CDH2: variants seen among roughly 807,000 people sequenced by gnomAD.
CDH2 encodes the protein cadherin-2.
Under a neutral mutation model 92.0 loss-of-function variants are expected in CDH2, and 17 were observed. That is an observed-to-expected ratio of 0.18 (90% CI 0.13 to 0.28). The LOEUF (loss-of-function observed/expected upper bound fraction) is 0.28. Among genes scored for constraint, CDH2 ranks in the 10% least tolerant of loss-of-function variants. The pLI, the probability that CDH2 is intolerant of heterozygous loss-of-function variation, is 1.00. For missense variants in CDH2, 862 were observed against 1,133.1 expected (o/e 0.76, Z 3.44); for synonymous variants, 419 against 415.9 (o/e 1.01, Z -0.09).
chr18:27,995,058 A>G (rs917095748), intron 7 of CDH2, among the ~76,000 whole-genome samples: 1 of 152,136 alleles, frequency 6.6e-6, no homozygotes. Context: ...CACGCCTGTA[A>G]TCTCAGCACT....
chr18:27,934,621 A>G (rs944594721), intron 6 of CDH2, among the ~76,000 whole-genome samples: 2 of 152,202 alleles, frequency 1.3e-5, no homozygotes, highest in African/African-American at 2.4e-5. Flanking sequence ...GCATTGAAAC[A>G]TCCTATTAAT....
At chr18:28,117,559 A>G (rs761650635) in intron 2 of CDH2, among the ~76,000 whole-genome samples, 5 of 152,142 alleles carry the variant, frequency 3.3e-5, no homozygotes, top group South Asian at 2.1e-4. Context: ...ATTCACAAAG[A>G]GTTTAAACTA....
At chr18:28,147,915 C>T in intron 1 of CDH2, 131 bp from the exon 2 acceptor site, 1 of 602,480 alleles carries the variant, frequency 1.7e-6, no homozygotes, top group Non-Finnish European at 2.9e-6. Context: ...TTTCCAAGTG[C>T]TTACAATTAG....
At chr18:28,090,779 A>G (rs2015022441) in intron 2 of CDH2, among the ~76,000 whole-genome samples, 1 of 152,212 alleles carries the variant, frequency 6.6e-6, no homozygotes, top group Admixed American at 6.5e-5. Context: ...TGTTGTATCC[A>G]TCATAGCCTA....
At chr18:28,136,464 T>C (rs1467419997) in intron 2 of CDH2, among the ~76,000 whole-genome samples, 1 of 152,100 alleles carries the variant, frequency 6.6e-6, no homozygotes, top group Non-Finnish European at 1.5e-5. Flanking sequence ...TATCAGAGTT[T>C]ACTCATCTCC....
At chr18:28,068,239 A>G (rs561119424) in intron 2 of CDH2, among the ~76,000 whole-genome samples, 1 of 152,342 alleles carries the variant, frequency 6.6e-6, no homozygotes, top group African/African-American at 2.4e-5. Flanking sequence ...CATTTCAAAC[A>G]GCTTTTCAGA....
At chr18:27,989,999 G>A in intron 10 of CDH2, 98 bp downstream of exon 10, 1 of 1,040,968 alleles carries the variant, frequency 9.6e-7, no homozygotes, top group Non-Finnish European at 1.4e-6. Flanking sequence ...AGTTTTGATT[G>A]CAATGAAAAT....
chr18:27,992,587 A>G, intron 9 of CDH2, 68 bp downstream of exon 9: 1 of 1,275,536 alleles, frequency 7.8e-7, no homozygotes, highest in Non-Finnish European at 1.1e-6. Context: ...CAAAACAATG[A>G]GTGGGGGACA....
intron 15 of CDH2, among the ~76,000 whole-genome samples, chr18:27,957,635 T>C (rs1025212188): frequency 1.3e-5 from 2 of 152,156 alleles, no homozygotes; most frequent in African/African-American, 4.8e-5. Context: ...CACATCTCAC[T>C]GTCCAACACA....
chr18:27,947,210 G>A (rs570108937), downstream of CDH2, among the ~76,000 whole-genome samples: 1 of 151,734 alleles, frequency 6.6e-6, no homozygotes, highest in South Asian at 2.1e-4. Flanking sequence ...GACAGTAACA[G>A]GAGAAATAAA....
chr18:28,160,677 C>T (rs748538892), intron 1 of CDH2, among the ~76,000 whole-genome samples: 10 of 152,174 alleles, frequency 6.6e-5, no homozygotes, highest in Admixed American at 3.3e-4. Context: ...CTGAAAACAC[C>T]TGTTCCACCA....
intron 2 of CDH2, among the ~76,000 whole-genome samples, chr18:28,023,113 A>G (rs2013454804): frequency 6.6e-6 from 1 of 152,180 alleles, no homozygotes; most frequent in Non-Finnish European, 1.5e-5. Flanking sequence ...TTATCTTTGA[A>G]TAAAGCTCTA....
chr18:28,150,539 C>A (rs888311854), intron 1 of CDH2, among the ~76,000 whole-genome samples: 53 of 152,146 alleles, frequency 3.5e-4, no homozygotes, highest in African/African-American at 1.2e-3. Context: ...TTGTTCTCTG[C>A]CTTATTTCAG....
At chr18:28,011,779 A>G in intron 4 of CDH2, 67 bp downstream of exon 4, 1 of 1,467,024 alleles carries the variant, frequency 6.8e-7, no homozygotes, top group Non-Finnish European at 9.4e-7. Flanking sequence ...TAAAAAAAAT[A>G]GACAGAAATA....
intron 1 of CDH2, among the ~76,000 whole-genome samples, chr18:28,173,708 C>T (rs2016496994): frequency 6.6e-6 from 1 of 151,962 alleles, no homozygotes; most frequent in South Asian, 2.1e-4. Flanking sequence ...CCCATACAAA[C>T]GTATTTAAAT....
rs200012272 is a variant in CDH2 at position 27,951,356 on chromosome 18, C to G, written c.*797G>C. ...ATCCATAACGAAAGATATAAACATGCAAAAAACCTGAATCCATAGTCCAAA... is the reference window on the plus strand; with the variant it reads ...ATCCATAACGAAAGATATAAACATGGAAAAAACCTGAATCCATAGTCCAAA... On this transcript the variant is annotated 3_prime_UTR_variant, in exon 16 of 16. Coordinates refer to ENST00000269141, the MANE Select transcript of CDH2 (RefSeq NM_001792.5). The G allele has an allele frequency of 6.6e-6, 1 of 152,314 alleles. No individual in the cohort carries two copies. Among genetic ancestry groups the G allele is most frequent in the Non-Finnish European group, 1.5e-5 (1 of 67,940 alleles). The allele number at this position is 152,314 out of a possible 1,614,324, so 9.4% of individuals were successfully genotyped here.
At chr18:28,084,890 T>C (rs2014898125) in intron 2 of CDH2, among the ~76,000 whole-genome samples, 1 of 152,060 alleles carries the variant, frequency 6.6e-6, no homozygotes, top group Non-Finnish European at 1.5e-5. Flanking sequence ...CTTTCTCAAT[T>C]CCCTCAGAGA....
intron 2 of CDH2, among the ~76,000 whole-genome samples, chr18:28,108,109 G>C (rs1433499895): frequency 1.3e-5 from 2 of 151,802 alleles, no homozygotes; most frequent in East Asian, 3.9e-4. Context: ...CTCTCTATTT[G>C]ATAGCCTGCA....
intron 4 of CDH2, 23 bp downstream of exon 4, chr18:28,011,823 C>A (rs1450882953): frequency 6.2e-7 from 1 of 1,608,300 alleles, no homozygotes; most frequent in Non-Finnish European, 8.5e-7. Context: ...GGTATGAAAA[C>A]AGTTAAAATT....
Sources: gnomAD v4.1 joint callset for allele counts (sites outside exome capture counted in the v4.1 genomes callset) on GRCh38, gnomAD v4.1.1 for gene constraint, MANE v1.5 for transcripts, NCBI Gene and HGNC (gene_info 2026-07-23, HGNC 2026-07-21) for gene names.